CIT: variants seen among roughly 807,000 people sequenced by gnomAD.
CIT encodes the protein citron Rho-interacting kinase.
In CIT, 79 loss-of-function variants were observed where a neutral mutation model predicts 272.7. The ratio of observed to expected loss-of-function variants is 0.29; its 90% confidence interval spans 0.24 to 0.35. The LOEUF (loss-of-function observed/expected upper bound fraction) is 0.35, where lower values mean the gene tolerates loss of function less well. Ranked by LOEUF, CIT falls within the 10% of genes least tolerant of loss-of-function variation. The pLI, the probability that CIT is intolerant of heterozygous loss-of-function variation, is 1.00. For synonymous variants in CIT, 948 were observed against 995.6 expected, an observed-to-expected ratio of 0.95 and a Z score of 0.90; for missense variants, 1,909 against 2,618.3, an observed-to-expected ratio of 0.73 and a Z score of 5.91.
Position 119,697,807 on chromosome 12 carries a change from T to G in CIT, c.5734A>C (p.Asn1912His), listed in dbSNP as rs754065048. Residue 1912 changes from asparagine (N) to histidine (H), a missense_variant, in exon 46 of 48, where the codon AAC (asparagine) becomes CAC (histidine). Around this residue, in one of 8 missense-constraint regions of CIT, gnomAD observed 780 missense variants for 1,067.2 expected, o/e 0.73. Coordinates refer to ENST00000392521, the MANE Select transcript of CIT (RefSeq NM_001206999.2). The surrounding 1 kb of genome is among the most constrained non-coding windows in gnomAD (Gnocchi z 4.9). ...TPARAYLDIPNPRYLGPAISS... is the reference protein window; with the variant it reads ...TPARAYLDIPHPRYLGPAISS... Reference sequence around the variant, plus strand: ...ATGGCAGGGCCCAGGTAGCGCGGGTTCGGGATGTCCAGGTACGCTCGGGCA... The same window carrying G: ...ATGGCAGGGCCCAGGTAGCGCGGGTGCGGGATGTCCAGGTACGCTCGGGCA... 3.7e-6 allele frequency: 6 copies of G among 1,614,130 alleles called. No individual in the cohort carries two copies. Among genetic ancestry groups the G allele is most frequent in the African/African-American group, 1.3e-5 (1 of 75,032 alleles).
intron 16 of CIT, among the ~76,000 whole-genome samples, chr12:119,774,558 A>ATG (rs3999585): frequency 0.11 from 17,231 of 150,540 alleles, 1,024 homozygotes; most frequent in Non-Finnish European, 0.13. Context: ...CACAATGTAT[A>ATG]TGTGTGTGTG....
intron 44 of CIT, chr12:119,699,980 G>C: frequency 4.4e-6 from 2 of 450,744 alleles, no homozygotes; most frequent in Non-Finnish European, 9.0e-6. Context: ...ATAATCAGGG[G>C]GTGCTATCTA....
At chr12:119,868,438 T>C (rs1386995029) in intron 3 of CIT, among the ~76,000 whole-genome samples, 2 of 152,080 alleles carry the variant, frequency 1.3e-5, no homozygotes, top group African/African-American at 4.8e-5. Flanking sequence ...CCTGAGTGAG[T>C]ATAAGGACAG....
intron 30 of CIT, among the ~76,000 whole-genome samples, chr12:119,720,130 C>T (rs532174706): frequency 6.6e-6 from 1 of 152,330 alleles, no homozygotes; most frequent in African/African-American, 2.4e-5. Flanking sequence ...TGCTAACTCC[C>T]TCTAGAGTCA....
intron 32 of CIT, among the ~76,000 whole-genome samples, chr12:119,716,158 G>A (rs810829): frequency 4.6e-5 from 7 of 151,896 alleles, no homozygotes; most frequent in East Asian, 1.9e-4. Flanking sequence ...CAAGTGGATC[G>A]CTTGAGGTCA....
chr12:119,713,331 C>T lies in CIT; in HGVS notation c.4488-37G>A. 6.2e-7 allele frequency: 1 copy of T among 1,603,850 alleles called. No homozygotes were observed. The highest frequency in any genetic ancestry group is 8.5e-7 in the Non-Finnish European group (1 of 1,171,716). On this transcript the variant is annotated intron_variant, in intron 34 of 47. Transcript: ENST00000392521. This position sits in a 1 kb window ranked among gnomAD's most constrained non-coding sequence, Gnocchi z 5.2. ...AAGATGGAAAAGAAAAATGTCTGAA[C>T]TCAGAAGAAACATCCGGCTGGAGGA...
chr12:119,699,827 T>C (rs965372428), intron 44 of CIT: 56 of 455,994 alleles, frequency 1.2e-4, no homozygotes, highest in Non-Finnish European at 2.1e-4. Context: ...TGGCTTGTTA[T>C]GCAGCAAGAG....
At chr12:119,757,772 G>A (rs773501600) in intron 21 of CIT, among the ~76,000 whole-genome samples, 2 of 152,138 alleles carry the variant, frequency 1.3e-5, no homozygotes, top group African/African-American at 2.4e-5. Flanking sequence ...CCTCACATAT[G>A]GGATTAAGTA....
intron 28 of CIT, among the ~76,000 whole-genome samples, chr12:119,723,698 C>T (rs921638461): frequency 1.3e-5 from 2 of 152,036 alleles, no homozygotes; most frequent in African/African-American, 2.4e-5. Flanking sequence ...TTCAGTAGGG[C>T]GGTATTTTTT....
chr12:119,835,476 G>A (rs1968930805), intron 5 of CIT, among the ~76,000 whole-genome samples: 1 of 152,078 alleles, frequency 6.6e-6, no homozygotes, highest in East Asian at 1.9e-4. Context: ...AATCGCTGTA[G>A]CCATGTTAAC....
At chr12:119,705,565 T>C (rs1205407399) in intron 40 of CIT, among the ~76,000 whole-genome samples, 1 of 152,092 alleles carries the variant, frequency 6.6e-6, no homozygotes, top group African/African-American at 2.4e-5. Context: ...TCCATACATT[T>C]TTTGAACAGT....
intron 10 of CIT, among the ~76,000 whole-genome samples, chr12:119,789,447 T>C (rs946844267): frequency 1.1e-4 from 17 of 152,210 alleles, no homozygotes; most frequent in African/African-American, 3.6e-4. Flanking sequence ...TTAAAGCCTA[T>C]TGTCCCCAGT....
rs938178474 is a variant in CIT at position 119,728,170 on chromosome 12, T to C, written c.3591+332A>G. Among the ~76,000 whole-genome samples the C allele has an allele frequency of 6.6e-6, 1 of 152,184 alleles. No individual in the cohort carries two copies. Among genetic ancestry groups the C allele is most frequent in the Admixed American group, 6.5e-5 (1 of 15,272 alleles). On this transcript the variant is annotated intron_variant, in intron 28 of 47. Coordinates refer to ENST00000392521, the MANE Select transcript of CIT (RefSeq NM_001206999.2). The surrounding 1 kb of genome is among the most constrained non-coding windows in gnomAD (Gnocchi z 4.3). ...GAGGGTTTTTAGGGCAGTGAAACTATCCTGTATGATACAGTAAAGGTGGAT... is the reference window on the plus strand; with the variant it reads ...GAGGGTTTTTAGGGCAGTGAAACTACCCTGTATGATACAGTAAAGGTGGAT...
At chr12:119,859,890 C>A (rs941866240) in intron 3 of CIT, among the ~76,000 whole-genome samples, 4 of 152,192 alleles carry the variant, frequency 2.6e-5, no homozygotes, top group African/African-American at 9.6e-5. Context: ...TCATAACTCA[C>A]TGCAGCCTCG....
chr12:119,812,636 CAG>C (rs1966860082), intron 9 of CIT, among the ~76,000 whole-genome samples: 1 of 151,790 alleles, frequency 6.6e-6, no homozygotes, highest in African/African-American at 2.4e-5. Context: ...TTGGTAGAGA[CAG>C]GGGTCTTGCT....
chr12:119,844,388 A>G (rs1375443441), intron 5 of CIT, among the ~76,000 whole-genome samples: 1 of 152,154 alleles, frequency 6.6e-6, no homozygotes, highest in Non-Finnish European at 1.5e-5. Context: ...AATCAAACAC[A>G]CTCATAATTT....
chr12:119,808,538 T>C (rs559761095), intron 9 of CIT, among the ~76,000 whole-genome samples: 2 of 150,820 alleles, frequency 1.3e-5, no homozygotes, highest in Admixed American at 6.6e-5. Flanking sequence ...AAAAAAAAAA[T>C]ACTGAGCCTC....
intron 4 of CIT, 58 bp downstream of exon 4, chr12:119,857,465 T>C: frequency 6.4e-7 from 1 of 1,559,366 alleles, no homozygotes; most frequent in Admixed American, 1.7e-5. Flanking sequence ...GATTATCGTC[T>C]TTGCAATGAA....
intron 3 of CIT, among the ~76,000 whole-genome samples, chr12:119,868,356 T>G (rs1950573657): frequency 6.6e-6 from 1 of 152,220 alleles, no homozygotes; most frequent in Non-Finnish European, 1.5e-5. Context: ...TAATTAAAAG[T>G]AATTAAATTC....
Sources: allele counts gnomAD v4.1 joint callset (sites outside exome capture counted in the v4.1 genomes callset), GRCh38; gene constraint gnomAD v4.1.1; regional missense constraint gnomAD v4.1.1; non-coding constraint Gnocchi (gnomAD v3.1); transcripts MANE v1.5; gene names NCBI Gene and HGNC (gene_info 2026-07-23, HGNC 2026-07-21).